The following GXYLT1 variants were observed in gnomAD, a reference collection of about 807,000 sequenced individuals.
GXYLT1 encodes glycosyltransferase 8 domain containing 3.
GXYLT1 carries 29 observed loss-of-function variants against 54.0 expected under a neutral mutation model. That is an observed-to-expected ratio of 0.54 (90% CI 0.40 to 0.73). The LOEUF is 0.73. GXYLT1 is among the 30% of genes least tolerant of loss of function. The probability of loss-of-function intolerance (pLI) is 0.00; values close to 1 mark genes in which losing one functional copy is unlikely to be tolerated. For synonymous variants in GXYLT1, 176 were observed against 204.1 expected (o/e 0.86, Z 1.17); for missense variants, 490 against 553.4 (o/e 0.89, Z 1.15).
chr12:42,132,653 C>T (rs1392713024), intron 1 of GXYLT1, among the ~76,000 whole-genome samples: 3 of 152,140 alleles, frequency 2.0e-5, no homozygotes, highest in African/African-American at 7.2e-5. Flanking sequence ...CTCAAGAAAA[C>T]GCCCACGTGA....
intron 7 of GXYLT1, among the ~76,000 whole-genome samples, chr12:42,094,659 GAA>G (rs891003754): frequency 2.2e-5 from 3 of 134,778 alleles, no homozygotes. Context: ...ACCCAGCAGT[GAA>G]AAAAAAAAAA....
chr12:42,123,531 CAA>C (rs2065543525), intron 2 of GXYLT1, among the ~76,000 whole-genome samples: 1 of 151,994 alleles, frequency 6.6e-6, no homozygotes, highest in South Asian at 2.1e-4. Flanking sequence ...CTTTACATAA[CAA>C]ATTTAGATGC....
intron 3 of GXYLT1, among the ~76,000 whole-genome samples, chr12:42,118,476 G>A (rs567435500): frequency 2.2e-3 from 329 of 152,286 alleles, no homozygotes; most frequent in Non-Finnish European, 2.0e-3. Flanking sequence ...TTTCACGTTA[G>A]ATCTGGACTC....
chr12:42,144,537 C>T lies in GXYLT1; in HGVS notation c.110G>A (p.Gly37Asp), dbSNP rs1262467702. 43 of 1,435,018 alleles carry T rather than the reference C, an allele frequency of 3.0e-5. No homozygotes were observed. The highest frequency in any genetic ancestry group is 3.7e-5 in the Non-Finnish European group (40 of 1,091,760). 88.9% of individuals were successfully genotyped at this position (1,435,018 alleles called of 1,614,324 possible). A position where few individuals can be genotyped will look rare whatever the true frequency, so the allele number is the denominator to read the frequency against. Reference sequence around the variant, plus strand: ...CACCGCGGCCTGCGGCTTCCCGCCACCGCCGCCCGTTCCTTCTTCCAGGGA... The same window carrying T: ...CACCGCGGCCTGCGGCTTCCCGCCATCGCCGCCCGTTCCTTCTTCCAGGGA... ...AVSLEEGTGG[G>D]GGKPQAAVAS... The change falls in exon 1 of 8, where the codon GGT (glycine) becomes GAT (aspartate). Residue 37 changes from glycine to aspartate, a missense_variant. Transcript: ENST00000398675.
intron 2 of GXYLT1, among the ~76,000 whole-genome samples, chr12:42,128,051 A>C (rs2065573438): frequency 6.6e-6 from 1 of 152,212 alleles, no homozygotes; most frequent in South Asian, 2.1e-4. Flanking sequence ...CTTACAATGC[A>C]GTTCTTACAG....
chr12:42,102,560 C>A (rs2065396139), intron 5 of GXYLT1, among the ~76,000 whole-genome samples: 1 of 152,054 alleles, frequency 6.6e-6, no homozygotes, highest in Non-Finnish European at 1.5e-5. Flanking sequence ...GTATAAAAGA[C>A]ACATCCTGCC....
At chr12:42,111,562 G>A (rs1269550110) in intron 3 of GXYLT1, among the ~76,000 whole-genome samples, 2 of 152,222 alleles carry the variant, frequency 1.3e-5, no homozygotes. Flanking sequence ...CAAACTGCAA[G>A]GCGACAGCCA....
chr12:42,133,244 C>T (rs1391225407), intron 1 of GXYLT1, among the ~76,000 whole-genome samples: 1 of 152,124 alleles, frequency 6.6e-6, no homozygotes, highest in African/African-American at 2.4e-5. Flanking sequence ...TTCCATTGCA[C>T]TCCAGCATGG....
At chr12:42,121,728 G>C (rs1419796843) in intron 2 of GXYLT1, among the ~76,000 whole-genome samples, 1 of 151,692 alleles carries the variant, frequency 6.6e-6, no homozygotes, top group African/African-American at 2.4e-5. Flanking sequence ...GATTGTTTTG[G>C]TCACACTGCC....
chr12:42,138,068 G>C (rs1332046280), intron 1 of GXYLT1, among the ~76,000 whole-genome samples: 1 of 152,096 alleles, frequency 6.6e-6, no homozygotes, highest in Non-Finnish European at 1.5e-5. Flanking sequence ...AGGAGTTCGG[G>C]ACCAGCCTGG....
chr12:42,122,332 G>C (rs755332331), intron 2 of GXYLT1, among the ~76,000 whole-genome samples: 1 of 152,198 alleles, frequency 6.6e-6, no homozygotes. Flanking sequence ...GCTCACACCT[G>C]TAATCCCAGC....
rs2065270381 is a variant in GXYLT1 at position 42,084,031 on chromosome 12, G to T, written c.*3755C>A. On this transcript the variant is annotated 3_prime_UTR_variant, in exon 8 of 8. Transcript: ENST00000398675. ...TGGCACTAAATGATCAGTGAGTAGG[G>T]TGATTGGGAAACAACTCTAGTACTA... 6.6e-6 allele frequency: 1 copy of T among 152,034 alleles called. No individual in the cohort carries two copies. The highest frequency in any genetic ancestry group is 1.5e-5 in the Non-Finnish European group (1 of 68,000). The allele number at this position is 152,034 out of a possible 1,614,324, so 9.4% of individuals were successfully genotyped here.
chr12:42,088,147 AAAT>A lies in GXYLT1; in HGVS notation c.1162-203_1162-201del. Among the ~76,000 whole-genome samples the A allele has an allele frequency of 1.3e-5, 2 of 152,136 alleles. 1 individual carries two copies. The highest frequency in any genetic ancestry group is 1.3e-4 in the Admixed American group (2 of 15,272). On this transcript the variant is annotated intron_variant, in intron 7 of 7. Coordinates refer to ENST00000398675, the MANE Select transcript of GXYLT1 (RefSeq NM_173601.2). ...CCCATTAAAGAAAGACAGCCATGGT[AAAT>A]CTCCGGGGGAATCCTGGAGAACATG...
chr12:42,088,041 T>C (rs138027653), intron 7 of GXYLT1, 94 bp from the exon 8 acceptor site: 141 of 561,240 alleles, frequency 2.5e-4, no homozygotes, highest in Non-Finnish European at 3.8e-4. Flanking sequence ...ATCAGTTTAA[T>C]ATGAACGATC....
At chr12:42,123,605 CTA>C (rs1337756782) in intron 2 of GXYLT1, among the ~76,000 whole-genome samples, 1 of 151,996 alleles carries the variant, frequency 6.6e-6, no homozygotes, top group African/African-American at 2.4e-5. Flanking sequence ...TAAATTTCTG[CTA>C]TAAAGGAATC....
At chr12:42,138,546 G>GA (rs11458987) in intron 1 of GXYLT1, among the ~76,000 whole-genome samples, 116,675 of 151,918 alleles carry the variant, frequency 0.77, 45,089 homozygotes, top group African/African-American at 0.82. Flanking sequence ...AAAGGGAGGG[G>GA]AAAAAAACTG....
rs1263090975 is a variant in GXYLT1, at chr12:42,143,373, A to G, written c.221+1053T>C. 2.0e-5 allele frequency among the ~76,000 whole-genome samples: 3 copies of G among 152,282 alleles called. No homozygotes were observed. In the East Asian group the frequency reaches 5.8e-4, roughly 29 times the overall value. ...CTGATGTAGGAATTACCCTGACTGT[A>G]ATCAAATCTCAGGGTAAAAACATGA... On this transcript the variant is annotated intron_variant, in intron 1 of 7. Transcript: ENST00000398675.
chr12:42,106,321 G>A (rs895644387), intron 4 of GXYLT1, among the ~76,000 whole-genome samples: 2 of 152,128 alleles, frequency 1.3e-5, no homozygotes, highest in Non-Finnish European at 2.9e-5. Flanking sequence ...AAAATTGAGA[G>A]AATAATATGA....
chr12:42,093,466 T>C lies in GXYLT1; in HGVS notation c.1161+3976A>G, dbSNP rs139388641. On this transcript the variant is annotated intron_variant, in intron 7 of 7. Transcript: ENST00000398675. ...TACTTATAGAAAAATAAATATACAATAGCTAGGAAAACACTGAAAAAAACA... is the reference window on the plus strand; with the variant it reads ...TACTTATAGAAAAATAAATATACAACAGCTAGGAAAACACTGAAAAAAACA... 4.6e-3 allele frequency among the ~76,000 whole-genome samples: 699 copies of C among 151,956 alleles called. 7 individuals are homozygous for C. Among genetic ancestry groups the C allele is most frequent in the African/African-American group, 0.015 (639 of 41,446 alleles).
Sources: allele counts gnomAD v4.1 joint callset (sites outside exome capture counted in the v4.1 genomes callset), GRCh38; gene constraint gnomAD v4.1.1; transcripts MANE v1.5; gene names NCBI Gene and HGNC (gene_info 2026-07-23, HGNC 2026-07-21).